Variants in SHISA9 observed in about 807,000 individuals in gnomAD.
SHISA9 encodes protein shisa-9.
A neutral mutation model predicts 38.0 loss-of-function variants in SHISA9; 13 were observed. The ratio of observed to expected loss-of-function variants is 0.34; its 90% confidence interval spans 0.22 to 0.54. SHISA9 has a LOEUF of 0.54. SHISA9 is among the 20% of genes least tolerant of loss of function. SHISA9 has a pLI of 0.91. For missense variants in SHISA9, 538 were observed against 575.8 expected (o/e 0.93, Z 0.67); for synonymous variants, 275 against 242.0 (o/e 1.14, Z -1.27).
At chr16:13,126,976 GGA>G (rs547504510) in intron 2 of SHISA9, among the ~76,000 whole-genome samples, 3 of 139,704 alleles carry the variant, frequency 2.1e-5, no homozygotes, top group Non-Finnish European at 3.1e-5. Flanking sequence ...AATGAGAGAA[GGA>G]GAGAGAGAGA....
chr16:13,262,803 T>G, the SHISA9 span, among the ~76,000 whole-genome samples: 111 of 152,256 alleles, frequency 7.3e-4, 1 homozygote, highest in Non-Finnish European at 1.3e-3. Flanking sequence ...GTATGGTTTT[T>G]GGGGTGAGCT....
chr16:13,252,241 G>T, the SHISA9 span, among the ~76,000 whole-genome samples: 1 of 152,094 alleles, frequency 6.6e-6, no homozygotes, highest in Non-Finnish European at 1.5e-5. Context: ...TTCCTCAAAT[G>T]CCCCAAGAAT....
chr16:12,944,366 G>A (rs779588634), intron 2 of SHISA9, among the ~76,000 whole-genome samples: 8 of 152,214 alleles, frequency 5.3e-5, no homozygotes, highest in Non-Finnish European at 1.0e-4. Flanking sequence ...CAAAGTTTAT[G>A]TCATCACCCT....
At chr16:13,256,681 A>G in the SHISA9 span, among the ~76,000 whole-genome samples, 3 of 152,210 alleles carry the variant, frequency 2.0e-5, no homozygotes, top group Admixed American at 6.5e-5. Context: ...CCTAGAACTG[A>G]GTGTAAAGTC....
chr16:13,182,907 A>T (rs1388576571), intron 2 of SHISA9, among the ~76,000 whole-genome samples: 1 of 152,210 alleles, frequency 6.6e-6, no homozygotes, highest in Non-Finnish European at 1.5e-5. Flanking sequence ...ACACAGTTGC[A>T]GTCACACAGT....
At chr16:13,372,091 G>A in the SHISA9 span, among the ~76,000 whole-genome samples, 3 of 152,222 alleles carry the variant, frequency 2.0e-5, no homozygotes, top group South Asian at 2.1e-4. Context: ...ATCTGCCCGC[G>A]GATTGATATT....
At chr16:13,434,579 A>G in the SHISA9 span, among the ~76,000 whole-genome samples, 2 of 151,762 alleles carry the variant, frequency 1.3e-5, no homozygotes, top group African/African-American at 2.4e-5. Flanking sequence ...CACCAAGCCC[A>G]GCTAATTTTT....
the SHISA9 span, among the ~76,000 whole-genome samples, chr16:13,311,545 C>G: frequency 6.6e-6 from 1 of 152,078 alleles, no homozygotes; most frequent in Non-Finnish European, 1.5e-5. Flanking sequence ...TTTCAAGTAG[C>G]TTGGGCTGAG....
chr16:13,292,306 A>T, the SHISA9 span, among the ~76,000 whole-genome samples: 8,819 of 152,062 alleles, frequency 0.058, 832 homozygotes, highest in African/African-American at 0.2. Flanking sequence ...TTTTAAAATT[A>T]TGCAGTTGGA....
At chr16:13,295,826 C>A in the SHISA9 span, among the ~76,000 whole-genome samples, 1 of 152,064 alleles carries the variant, frequency 6.6e-6, no homozygotes, top group Admixed American at 6.5e-5. Context: ...ATGAAGTGTG[C>A]CAAAGAGAAA....
intron 2 of SHISA9, among the ~76,000 whole-genome samples, chr16:13,084,740 G>A (rs2073691666): frequency 1.9e-4 from 2 of 10,420 alleles, no homozygotes; most frequent in Admixed American, 2.9e-3. Context: ...TTTCTCTTAA[G>A]CTTAGACCAT....
chr16:13,368,076 T>C, the SHISA9 span, among the ~76,000 whole-genome samples: 2 of 152,060 alleles, frequency 1.3e-5, no homozygotes, highest in Non-Finnish European at 2.9e-5. Context: ...CCTCACAGAT[T>C]GGCAATTTCC....
Position 13,232,354 on chromosome 16 carries a change from AAAGT to A in SHISA9, c.896-2675_896-2672del, listed in dbSNP as rs753303194. On this transcript the variant is annotated intron_variant, in intron 4 of 4. Transcript: ENST00000558583. ...TCAAATGAAAAACAAATAAGAAAAG[AAAGT>A]GTCAGCAAACCACCATGGCACATGT... Among the ~76,000 whole-genome samples the A allele has an allele frequency of 2.1e-3, 314 of 152,346 alleles. 2 individuals carry two copies. Among genetic ancestry groups the A allele is most frequent in the African/African-American group, 6.7e-3 (279 of 41,586 alleles).
chr16:12,908,746 C>T (rs1009050879), intron 1 of SHISA9: 4 of 1,418,368 alleles, frequency 2.8e-6, no homozygotes, highest in Non-Finnish European at 3.7e-6. Flanking sequence ...GGAATGCTTT[C>T]TATATCGGCC....
intron 2 of SHISA9, among the ~76,000 whole-genome samples, chr16:13,061,686 A>T (rs1055568340): frequency 6.6e-6 from 1 of 152,184 alleles, no homozygotes; most frequent in South Asian, 2.1e-4. Flanking sequence ...TTTGCAATTC[A>T]TTACAGGAAG....
intron 2 of SHISA9, among the ~76,000 whole-genome samples, chr16:13,022,790 C>T (rs1221825947): frequency 4.0e-5 from 6 of 151,882 alleles, no homozygotes; most frequent in African/African-American, 9.7e-5. Context: ...TTCAAAGAGA[C>T]AGGGTATCAC....
chr16:12,988,627 C>T (rs1009323891), intron 2 of SHISA9, among the ~76,000 whole-genome samples: 11 of 152,222 alleles, frequency 7.2e-5, no homozygotes, highest in Admixed American at 2.6e-4. Context: ...CCAGTTCAAC[C>T]GATTCTCCTC....
chr16:13,474,435 G>A, the SHISA9 span: 2 of 152,150 alleles, frequency 1.3e-5, no homozygotes, highest in African/African-American at 2.4e-5. Flanking sequence ...GTTAAGAAGT[G>A]CTTTACATGA....
intron 2 of SHISA9, among the ~76,000 whole-genome samples, chr16:13,128,598 C>CTGGAAAGAATTAGG (rs1372747070): frequency 1.3e-5 from 2 of 152,260 alleles, no homozygotes; most frequent in East Asian, 1.9e-4. Context: ...TGCCAGACAG[C>CTGGAAAGAATTAGG]TGGAAAGAAT....
Sources: allele counts gnomAD v4.1 joint callset (sites outside exome capture counted in the v4.1 genomes callset), GRCh38; gene constraint gnomAD v4.1.1; transcripts MANE v1.5; gene names NCBI Gene and HGNC (gene_info 2026-07-23, HGNC 2026-07-21).